TDRD7: variants seen among roughly 807,000 people sequenced by gnomAD.
TDRD7 encodes the protein tudor domain-containing protein 7.
Under a neutral mutation model 109.8 loss-of-function variants are expected in TDRD7, and 47 were observed. That is an observed-to-expected ratio of 0.43 (90% confidence interval 0.34 to 0.55). The LOEUF (loss-of-function observed/expected upper bound fraction) is 0.55. Ranked by LOEUF, TDRD7 falls within the 20% of genes least tolerant of loss-of-function variation. The probability of loss-of-function intolerance (pLI) is 0.03; values close to 1 mark genes in which losing one functional copy is unlikely to be tolerated. For synonymous variants in TDRD7, 424 were observed against 457.3 expected, an observed-to-expected ratio of 0.93 and a Z score of 0.93; for missense variants, 1,164 against 1,319.2, an observed-to-expected ratio of 0.88 and a Z score of 1.82.
chr9:97,495,554 G>A (rs1438052055), intron 16 of TDRD7, 109 bp from the exon 17 acceptor site: 1 of 1,057,584 alleles, frequency 9.5e-7, no homozygotes, highest in Non-Finnish European at 1.5e-6. Context: ...GTCTAACCTG[G>A]GATGCTTAAG....
chr9:97,485,493 C>T (rs1792918416), intron 15 of TDRD7, among the ~76,000 whole-genome samples: 1 of 152,202 alleles, frequency 6.6e-6, no homozygotes, highest in Admixed American at 6.5e-5. Flanking sequence ...CAGACCACCA[C>T]CAATTTGCCC....
rs768178070 is a variant in TDRD7, at chr9:97,478,466, C to T, written c.2194C>T (p.Leu732Phe). 37 of 1,613,916 alleles carry T rather than the reference C, an allele frequency of 2.3e-5. No homozygotes were observed. The East Asian group carries it at 3.6e-4, about 16-fold the overall frequency. ...EITNVHSSRALDVQFLDSGTV... is the reference protein window; with the variant it reads ...EITNVHSSRAFDVQFLDSGTV... ...CACAAATGTTCACAGCAGCCGGGCTCTTGATGTTCAGTTCCTGGACTCTGG... is the reference window on the plus strand; with the variant it reads ...CACAAATGTTCACAGCAGCCGGGCTTTTGATGTTCAGTTCCTGGACTCTGG... The change falls in exon 13 of 17, where the codon CTT becomes TTT. Residue 732 changes from leucine to phenylalanine, a missense_variant. Around this residue, in one of 5 missense-constraint regions of TDRD7, gnomAD observed 261 missense variants for 336.2 expected, o/e 0.78. Transcript: ENST00000355295.
chr9:97,457,072 A>G (rs1365285939), intron 6 of TDRD7, among the ~76,000 whole-genome samples: 1 of 152,230 alleles, frequency 6.6e-6, no homozygotes, highest in East Asian at 1.9e-4. Flanking sequence ...AAAAAAGCTC[A>G]ACATCACTGA....
chr9:97,458,654 G>T (rs1360350262), intron 6 of TDRD7, among the ~76,000 whole-genome samples: 1 of 152,180 alleles, frequency 6.6e-6, no homozygotes, highest in Non-Finnish European at 1.5e-5. Context: ...GGCTTTCCAG[G>T]TGTGGAAGTT....
At chr9:97,462,781 A>G (rs1828747762) in intron 7 of TDRD7, among the ~76,000 whole-genome samples, 1 of 152,170 alleles carries the variant, frequency 6.6e-6, no homozygotes, top group South Asian at 2.1e-4. Flanking sequence ...ACTGTGCCTC[A>G]TCCAACACCG....
At chr9:97,448,369 T>C (rs1036360476) in intron 6 of TDRD7, among the ~76,000 whole-genome samples, 1 of 152,204 alleles carries the variant, frequency 6.6e-6, no homozygotes, top group Non-Finnish European at 1.5e-5. Context: ...TGCATCTGCA[T>C]TGTGACATAG....
At chr9:97,446,144 C>T (rs2118397374) in intron 6 of TDRD7, among the ~76,000 whole-genome samples, 1 of 152,218 alleles carries the variant, frequency 6.6e-6, no homozygotes, top group Non-Finnish European at 1.5e-5. Context: ...CCAAATCCTG[C>T]AACAATGACT....
chr9:97,443,017 C>T (rs1480167655), intron 6 of TDRD7, among the ~76,000 whole-genome samples: 5 of 152,120 alleles, frequency 3.3e-5, no homozygotes, highest in South Asian at 2.1e-4. Flanking sequence ...GCTGGAGTCT[C>T]GAATTCCTGA....
intron 1 of TDRD7, among the ~76,000 whole-genome samples, chr9:97,424,007 C>A (rs1827943041): frequency 6.8e-6 from 1 of 146,486 alleles, no homozygotes; most frequent in Admixed American, 6.8e-5. Flanking sequence ...CTGTCAATAT[C>A]ATTAGGTCAC....
At chr9:97,473,372 T>C in intron 10 of TDRD7, 120 bp from the exon 11 acceptor site, 1 of 1,356,038 alleles carries the variant, frequency 7.4e-7, no homozygotes, top group South Asian at 1.2e-5. Context: ...ACATATACTC[T>C]AACTTAAAGA....
rs1828098539 is a variant in TDRD7 at position 97,431,180 on chromosome 9, A to C, written c.349+106A>C. ...ATTATGATAAATACTTGTATCTGTT[A>C]ACATACATATGTCAGGGGAAAGATC... On this transcript the variant is annotated intron_variant, in intron 3 of 16. Transcript: ENST00000355295. The C allele has an allele frequency of 8.0e-6, 12 of 1,505,426 alleles. No homozygotes were observed. In the South Asian group the frequency reaches 9.1e-5, roughly 11 times the overall value. 93.3% of individuals were successfully genotyped at this position (1,505,426 alleles called of 1,614,324 possible).
intron 2 of TDRD7, among the ~76,000 whole-genome samples, chr9:97,430,518 C>T (rs1306810009): frequency 4.6e-5 from 7 of 152,164 alleles, no homozygotes; most frequent in Admixed American, 3.9e-4. Flanking sequence ...CAAAGAGCCT[C>T]GCCATGTGAC....
At chr9:97,422,395 C>CAA (rs368318816) in intron 1 of TDRD7, among the ~76,000 whole-genome samples, 104 of 146,920 alleles carry the variant, frequency 7.1e-4, no homozygotes, top group African/African-American at 2.4e-3. Context: ...GACCCTGTCT[C>CAA]AAAAAAAAAA....
intron 6 of TDRD7, among the ~76,000 whole-genome samples, chr9:97,443,644 AG>A (rs1240542917): frequency 6.6e-6 from 1 of 152,222 alleles, no homozygotes; most frequent in East Asian, 1.9e-4. Context: ...TTGAAGGTTC[AG>A]GGCCTGTGGC....
chr9:97,435,144 TACAC>T lies in TDRD7; in HGVS notation c.563+2914_563+2917del, dbSNP rs372668228. Among the ~76,000 whole-genome samples the T allele has an allele frequency of 4.1e-3, 621 of 152,162 alleles. 4 individuals are homozygous for T. The highest frequency in any genetic ancestry group is 0.014 in the African/African-American group (590 of 41,506). ...GTACGTGTGGTAAATTGCACAGAAC[TACAC>T]ACACACATCCATATGCAACTGGAAA... On this transcript the variant is annotated intron_variant, in intron 4 of 16. Coordinates refer to ENST00000355295, the MANE Select transcript of TDRD7 (RefSeq NM_014290.3).
At chr9:97,435,375 A>C (rs1413807733) in intron 4 of TDRD7, among the ~76,000 whole-genome samples, 1 of 151,976 alleles carries the variant, frequency 6.6e-6, no homozygotes, top group Non-Finnish European at 1.5e-5. Context: ...CATGCCTGTA[A>C]TTCCAACACT....
chr9:97,416,289 T>C (rs1827809123), intron 1 of TDRD7, among the ~76,000 whole-genome samples: 1 of 152,226 alleles, frequency 6.6e-6, no homozygotes, highest in Admixed American at 6.5e-5. Flanking sequence ...GCGTTGATTC[T>C]CAGTCTCCTC....
At chr9:97,413,943 T>C (rs111588341) in intron 1 of TDRD7, among the ~76,000 whole-genome samples, 2 of 152,256 alleles carry the variant, frequency 1.3e-5, no homozygotes, top group East Asian at 3.8e-4. Context: ...ACCCCTCTTT[T>C]AAGTTCTCTG....
At chr9:97,423,411 CTA>C (rs1338778187) in intron 1 of TDRD7, among the ~76,000 whole-genome samples, 1 of 134,004 alleles carries the variant, frequency 7.5e-6, no homozygotes, top group Non-Finnish European at 1.6e-5. Context: ...TTTTTTTTTT[CTA>C]TGTTTCTAGG....
Sources: gnomAD v4.1 joint callset for allele counts (sites outside exome capture counted in the v4.1 genomes callset) on GRCh38, gnomAD v4.1.1 for gene constraint, gnomAD v4.1.1 regional missense constraint, MANE v1.5 for transcripts, NCBI Gene and HGNC (gene_info 2026-07-23, HGNC 2026-07-21) for gene names.